LARGE1: variants seen among roughly 807,000 people sequenced by gnomAD.
The protein encoded by LARGE1 is xylosyl- and glucuronyltransferase LARGE1.
Under a neutral mutation model 87.6 loss-of-function variants are expected in LARGE1, and 43 were observed. The observed-to-expected ratio is 0.49, with a 90% CI of 0.38 to 0.63. LARGE1 has a LOEUF of 0.63. Among genes scored for constraint, LARGE1 ranks in the 30% least tolerant of loss-of-function variants. The probability of loss-of-function intolerance (pLI) is 0.00; values close to 1 mark genes in which losing one functional copy is unlikely to be tolerated. For missense variants in LARGE1, 802 were observed against 1,000.2 expected (o/e 0.80, Z 2.67); for synonymous variants, 434 against 394.6 (o/e 1.10, Z -1.18).
chr22:33,306,048 C>T (rs2146190566), intron 11 of LARGE1, among the ~76,000 whole-genome samples: 1 of 152,152 alleles, frequency 6.6e-6, no homozygotes, highest in Non-Finnish European at 1.5e-5. Flanking sequence ...GTTTCACCAT[C>T]TTAGCCAGCA....
At chr22:33,328,279 A>G (rs976051197) in intron 10 of LARGE1, among the ~76,000 whole-genome samples, 6 of 152,096 alleles carry the variant, frequency 3.9e-5, no homozygotes, top group African/African-American at 1.4e-4. Flanking sequence ...CTGAGCTTCT[A>G]TTTCCTTCTG....
At chr22:33,257,832 T>TA (rs1602158507) in intron 11 of LARGE1, among the ~76,000 whole-genome samples, 1 of 152,212 alleles carries the variant, frequency 6.6e-6, no homozygotes, top group East Asian at 1.9e-4. Flanking sequence ...GAACTGGAGC[T>TA]ACTCTGGTGA....
chr22:33,501,899 G>A (rs1322560972), intron 6 of LARGE1, among the ~76,000 whole-genome samples: 1 of 152,180 alleles, frequency 6.6e-6, no homozygotes, highest in African/African-American at 2.4e-5. Context: ...GAGGTACAAA[G>A]TAGGAGGAAC....
At chr22:33,099,144 T>C in the LARGE1 span, among the ~76,000 whole-genome samples, 1 of 152,166 alleles carries the variant, frequency 6.6e-6, no homozygotes, top group Non-Finnish European at 1.5e-5. Context: ...CCTAGGAGGG[T>C]AGAGGAAAAA....
At chr22:33,548,244 T>C (rs2077421233) in intron 6 of LARGE1, among the ~76,000 whole-genome samples, 1 of 152,188 alleles carries the variant, frequency 6.6e-6, no homozygotes, top group African/African-American at 2.4e-5. Flanking sequence ...CCCTACGCTC[T>C]TTTGCTTTTG....
At chr22:33,572,978 T>G (rs973985823) in intron 5 of LARGE1, among the ~76,000 whole-genome samples, 3 of 152,178 alleles carry the variant, frequency 2.0e-5, no homozygotes, top group Non-Finnish European at 4.4e-5. Context: ...TCTGAGTCAT[T>G]CTGGGCAAGC....
intron 1 of LARGE1, among the ~76,000 whole-genome samples, chr22:33,896,102 C>A (rs1190980611): frequency 6.6e-6 from 1 of 152,210 alleles, no homozygotes; most frequent in Non-Finnish European, 1.5e-5. Flanking sequence ...CTCTCCTTCC[C>A]CTAGTCCCTG....
At chr22:33,176,250 A>T (rs1194080873) in intron 11 of LARGE1, among the ~76,000 whole-genome samples, 1 of 152,218 alleles carries the variant, frequency 6.6e-6, no homozygotes, top group Non-Finnish European at 1.5e-5. Flanking sequence ...ATGGGCAAAG[A>T]CTTCATGACC....
chr22:33,500,805 C>A (rs1005142087), intron 6 of LARGE1, among the ~76,000 whole-genome samples: 7 of 152,192 alleles, frequency 4.6e-5, no homozygotes, highest in Non-Finnish European at 8.8e-5. Context: ...TCATTATCAT[C>A]ATTACTTCAA....
intron 4 of LARGE1, among the ~76,000 whole-genome samples, chr22:33,607,461 C>CAA (rs1217376084): frequency 0.056 from 3,205 of 56,852 alleles, 469 homozygotes; most frequent in African/African-American, 0.19. Context: ...AACTGCATCT[C>CAA]AAAAAAAAAA....
chr22:33,262,836 A>ACTCC (rs1927715817), intron 11 of LARGE1, among the ~76,000 whole-genome samples: 1 of 94,438 alleles, frequency 1.1e-5, no homozygotes, highest in Non-Finnish European at 2.1e-5. Context: ...TCCTTCCTTC[A>ACTCC]CTCCCTCCCT....
chr22:33,291,086 T>G (rs1462144485), intron 12 of LARGE1, among the ~76,000 whole-genome samples: 1 of 151,288 alleles, frequency 6.6e-6, no homozygotes, highest in Non-Finnish European at 1.5e-5. Flanking sequence ...TCTGCAAAAA[T>G]AAGTCAACAC....
At chr22:33,912,278 T>G (rs1248232855) in intron 1 of LARGE1, among the ~76,000 whole-genome samples, 1 of 152,046 alleles carries the variant, frequency 6.6e-6, no homozygotes, top group East Asian at 1.9e-4. Flanking sequence ...ATAACAAATA[T>G]GCATTTAATG....
chr22:33,120,407 T>TTTCC, the LARGE1 span, among the ~76,000 whole-genome samples: 17 of 99,232 alleles, frequency 1.7e-4, no homozygotes, highest in East Asian at 3.8e-3. Context: ...TCTTTCTTTC[T>TTTCC]TTCCTTCTTT....
In LARGE1 at chr22:33,442,511, G is replaced by A. The variant is rs57742722; in HGVS notation, c.788-10246C>T. The stretch of plus-strand genomic sequence containing the variant: ...TAGGTTTGGGGACCTCTGAAAGGGG[G>A]TGGTCACCTACCAGGCATGCTGTGG... On this transcript the variant is annotated intron_variant, in intron 6 of 14. Coordinates refer to ENST00000397394, the MANE Select transcript of LARGE1 (RefSeq NM_133642.5). Among the ~76,000 whole-genome samples, 938 of 152,248 alleles carry A rather than the reference G, an allele frequency of 6.2e-3. 9 individuals are homozygous for A. The highest frequency in any genetic ancestry group is 0.021 in the African/African-American group (883 of 41,552).
the LARGE1 span, among the ~76,000 whole-genome samples, chr22:33,117,266 C>G: frequency 6.6e-6 from 1 of 152,152 alleles, no homozygotes; most frequent in African/African-American, 2.4e-5. Flanking sequence ...ATGTGGCTCA[C>G]AGTCACAGGT....
intron 1 of LARGE1, among the ~76,000 whole-genome samples, chr22:33,904,561 A>C (rs2065381678): frequency 6.6e-6 from 1 of 152,292 alleles, no homozygotes; most frequent in South Asian, 2.1e-4. Context: ...CCATGGGGAC[A>C]GGCTGCCTGA....
In LARGE1 at chr22:33,337,806, C is replaced by T; in HGVS notation, c.1132-5G>A. 7 of 1,614,106 alleles carry T rather than the reference C, an allele frequency of 4.3e-6. No individual in the cohort carries two copies. Among genetic ancestry groups the T allele is most frequent in the Non-Finnish European group, 5.9e-6 (7 of 1,180,016 alleles). On this transcript the variant is annotated splice_polypyrimidine_tract_variant and splice_region_variant and intron_variant, in intron 9 of 14. Transcript: ENST00000397394. The stretch of plus-strand genomic sequence containing the variant: ...GGGGGAGTTCCAGTGAATGACCTGG[C>T]AGGGAGATAAGGAAGTGGTCAGGTA...
At chr22:33,830,969 C>T (rs2062947387) in intron 1 of LARGE1, among the ~76,000 whole-genome samples, 1 of 152,216 alleles carries the variant, frequency 6.6e-6, no homozygotes, top group South Asian at 2.1e-4. Flanking sequence ...CCTAAACCAT[C>T]ACCTTGAAAG....
Sources: gnomAD v4.1 joint callset for allele counts (sites outside exome capture counted in the v4.1 genomes callset) on GRCh38, gnomAD v4.1.1 for gene constraint, MANE v1.5 for transcripts, NCBI Gene and HGNC (gene_info 2026-07-23, HGNC 2026-07-21) for gene names.